Variants in ARHGEF10L observed in about 807,000 individuals in gnomAD.
The protein encoded by ARHGEF10L is Rho guanine nucleotide exchange factor 10 like.
Under a neutral mutation model 141.2 loss-of-function variants are expected in ARHGEF10L, and 69 were observed. The ratio of observed to expected loss-of-function variants is 0.49; its 90% CI spans 0.40 to 0.60. ARHGEF10L has a LOEUF of 0.60. ARHGEF10L is among the 20% of genes least tolerant of loss of function. The probability of loss-of-function intolerance (pLI) is 0.00; values close to 1 mark genes in which losing one functional copy is unlikely to be tolerated. For missense variants in ARHGEF10L, 1,482 were observed against 1,734.3 expected (o/e 0.85, Z 2.58); for synonymous variants, 711 against 718.5 (o/e 0.99, Z 0.17).
chr1:17,688,455 G>A (rs950399094), intron 27 of ARHGEF10L, among the ~76,000 whole-genome samples: 4 of 152,202 alleles, frequency 2.6e-5, no homozygotes, highest in Non-Finnish European at 5.9e-5. Flanking sequence ...AGCAGACCAC[G>A]GGGCCAGCAG....
At chr1:17,647,640 A>G (rs894178663) in intron 21 of ARHGEF10L, among the ~76,000 whole-genome samples, 3 of 152,140 alleles carry the variant, frequency 2.0e-5, no homozygotes, top group Non-Finnish European at 4.4e-5. Context: ...GCAGACCCCC[A>G]CTGACTACAG....
At chr1:17,626,472 T>C (rs1275940517) in intron 14 of ARHGEF10L, among the ~76,000 whole-genome samples, 1 of 152,096 alleles carries the variant, frequency 6.6e-6, no homozygotes, top group East Asian at 1.9e-4. Flanking sequence ...TCCCAACCAC[T>C]GAGGGTCCTT....
chr1:17,655,706 T>C (rs1201462868), intron 23 of ARHGEF10L, among the ~76,000 whole-genome samples, 173 bp from the exon 24 acceptor site: 1 of 152,240 alleles, frequency 6.6e-6, no homozygotes, highest in African/African-American at 2.4e-5. Flanking sequence ...TGAAGCTTAT[T>C]TGTTGCCATG....
At chr1:17,604,849 C>T (rs929195380) in intron 6 of ARHGEF10L, 1 of 152,220 alleles carries the variant, frequency 6.6e-6, no homozygotes, top group Admixed American at 6.5e-5. Context: ...CCCATTTGGC[C>T]TATTTCCCAC....
chr1:17,609,078 C>T (rs1193109185), intron 7 of ARHGEF10L, among the ~76,000 whole-genome samples: 1 of 152,244 alleles, frequency 6.6e-6, no homozygotes, highest in African/African-American at 2.4e-5. Flanking sequence ...CCACCATGCC[C>T]AGCCTCAAGC....
In ARHGEF10L at chr1:17,616,075, C is replaced by G; in HGVS notation, c.727-19C>G. 1 of 1,609,196 alleles carries G rather than the reference C, an allele frequency of 6.2e-7. No homozygotes were observed. The highest frequency in any genetic ancestry group is 8.5e-7 in the Non-Finnish European group (1 of 1,176,252). ...CCCAGGCCGTCCCTTCCCTGATGAG[C>G]CTCTCTACCTTTGCTCAGATGACCC... is the stretch of plus-strand genomic sequence containing the variant. On this transcript the variant is annotated intron_variant, in intron 8 of 28. Coordinates refer to ENST00000361221, the MANE Select transcript of ARHGEF10L (RefSeq NM_018125.4).
rs114294794 is a variant in ARHGEF10L, at chr1:17,560,570, C to T, written c.-43-19983C>T. On this transcript the variant is annotated intron_variant, in intron 1 of 28. Coordinates refer to ENST00000361221, the MANE Select transcript of ARHGEF10L (RefSeq NM_018125.4). Reference sequence around the variant, plus strand: ...AGTAACCACCTGGCCAGCCAAACAACGATCTTTTTTTTGAGACGGAGTTTC... The same window carrying T: ...AGTAACCACCTGGCCAGCCAAACAATGATCTTTTTTTTGAGACGGAGTTTC... Among the ~76,000 whole-genome samples the T allele has an allele frequency of 3.9e-3, 600 of 152,272 alleles. 4 individuals carry two copies. Among genetic ancestry groups the T allele is most frequent in the African/African-American group, 0.014 (591 of 41,554 alleles).
At chr1:17,527,835 G>C in the ARHGEF10L span, among the ~76,000 whole-genome samples, 10 of 147,568 alleles carry the variant, frequency 6.8e-5, no homozygotes, top group Admixed American at 7.1e-5. Context: ...GCCCTCTAGT[G>C]CTTTTCCTCT....
the ARHGEF10L span, among the ~76,000 whole-genome samples, chr1:17,522,855 C>G: frequency 3.9e-4 from 60 of 152,168 alleles, no homozygotes; most frequent in African/African-American, 1.4e-3. Context: ...CCAGGGCAGT[C>G]ATGGGAACAA....
chr1:17,616,939 TGCCC>T (rs2059841272), intron 9 of ARHGEF10L, among the ~76,000 whole-genome samples: 1 of 152,194 alleles, frequency 6.6e-6, no homozygotes, highest in Non-Finnish European at 1.5e-5. Flanking sequence ...TGCCAGGTGC[TGCCC>T]TATGAGCCTA....
At chr1:17,690,628 C>T (rs553483043) in intron 27 of ARHGEF10L, among the ~76,000 whole-genome samples, 4 of 152,214 alleles carry the variant, frequency 2.6e-5, no homozygotes, top group African/African-American at 4.8e-5. Flanking sequence ...GGATGTAGGC[C>T]GAGGTTCCAG....
chr1:17,595,340 A>T (rs984920142), intron 4 of ARHGEF10L, among the ~76,000 whole-genome samples: 1 of 150,788 alleles, frequency 6.6e-6, no homozygotes, highest in Non-Finnish European at 1.5e-5. Context: ...CCAGGGGTGC[A>T]GGGCCTCTCC....
intron 1 of ARHGEF10L, among the ~76,000 whole-genome samples, chr1:17,547,237 G>A (rs986820991): frequency 2.0e-5 from 3 of 152,240 alleles, no homozygotes; most frequent in African/African-American, 7.2e-5. Context: ...TGGCCTGTTG[G>A]TTGAGAGGAT....
chr1:17,579,030 T>A (rs6678733), intron 1 of ARHGEF10L, among the ~76,000 whole-genome samples: 145,027 of 151,756 alleles, frequency 0.96, 69,329 homozygotes, highest in East Asian at 1. Flanking sequence ...TTTTTTTTTT[T>A]AATTTTTTGA....
intron 27 of ARHGEF10L, among the ~76,000 whole-genome samples, chr1:17,691,967 C>T (rs1413986592): frequency 6.6e-6 from 1 of 152,160 alleles, no homozygotes; most frequent in African/African-American, 2.4e-5. Flanking sequence ...CCTCACAAAG[C>T]TTGTCATAAG....
At chr1:17,605,799 A>C (rs1397594750) in intron 6 of ARHGEF10L, among the ~76,000 whole-genome samples, 2 of 152,106 alleles carry the variant, frequency 1.3e-5, no homozygotes, top group Non-Finnish European at 2.9e-5. Flanking sequence ...TACCCTGAGA[A>C]CTCTGCCTCT....
chr1:17,556,274 G>A (rs1420542355), intron 1 of ARHGEF10L, among the ~76,000 whole-genome samples: 4 of 107,346 alleles, frequency 3.7e-5, no homozygotes, highest in Middle Eastern at 9.9e-3. Flanking sequence ...CATGGCGGCG[G>A]GGGGGGGGCC....
chr1:17,661,719 A>T (rs1340150679), intron 25 of ARHGEF10L, among the ~76,000 whole-genome samples: 2 of 152,180 alleles, frequency 1.3e-5, no homozygotes, highest in South Asian at 4.1e-4. Context: ...ATTAGACTCC[A>T]GCTTCCAGCC....
intron 12 of ARHGEF10L, 62 bp from the exon 13 acceptor site, chr1:17,624,325 C>T (rs2060266775): frequency 7.2e-7 from 1 of 1,384,822 alleles, no homozygotes; most frequent in South Asian, 1.2e-5. Context: ...CCACACCTGC[C>T]TCGTTTCCTT....
Sources: gnomAD v4.1 joint callset for allele counts (sites outside exome capture counted in the v4.1 genomes callset) on GRCh38, gnomAD v4.1.1 for gene constraint, MANE v1.5 for transcripts, NCBI Gene and HGNC (gene_info 2026-07-23, HGNC 2026-07-21) for gene names.